Variants in GUCD1 observed in about 807,000 individuals in gnomAD.
GUCD1 encodes the protein guanylyl cyclase domain containing 1, also known as protein GUCD1.
A neutral mutation model predicts 28.3 loss-of-function variants in GUCD1; 17 were observed. The observed-to-expected ratio is 0.60, with a 90% CI of 0.41 to 0.90. GUCD1 has a LOEUF of 0.90. Ranked by LOEUF, GUCD1 falls within the 40% of genes least tolerant of loss-of-function variation. The pLI is 0.00. For missense variants in GUCD1, 279 were observed against 305.5 expected (o/e 0.91, Z 0.65); for synonymous variants, 129 against 123.3 (o/e 1.05, Z -0.30).
At position 24,555,117 on chromosome 22, in the gene GUCD1, G is replaced by A. The variant is rs1352537959; in HGVS notation, c.-126C>T. The A allele has an allele frequency of 2.2e-5, 29 of 1,317,800 alleles. No homozygotes were observed. The highest frequency in any genetic ancestry group is 3.1e-5 in the East Asian group (1 of 31,962). 81.6% of individuals were successfully genotyped at this position (1,317,800 alleles called of 1,614,324 possible). ...CTCCGCCACCGCCGCCGCTGCGGAGGAGAGAACGGGAGGCGGCGGCTGGGC... is the reference window on the plus strand; with the variant it reads ...CTCCGCCACCGCCGCCGCTGCGGAGAAGAGAACGGGAGGCGGCGGCTGGGC... On this transcript the variant is annotated 5_prime_UTR_variant, in exon 1 of 6. Coordinates refer to ENST00000435822, the MANE Select transcript of GUCD1 (RefSeq NM_001284254.2).
At position 24,555,126 on chromosome 22, in the gene GUCD1, G is replaced by C. The variant is rs1007261871; in HGVS notation, c.-135C>G. 9.2e-6 allele frequency: 12 copies of C among 1,304,860 alleles called. No homozygotes were observed. In the East Asian group the frequency reaches 1.9e-4, roughly 21 times the overall value. The allele number at this position is 1,304,860 out of a possible 1,614,324, so 80.8% of individuals were successfully genotyped here. The stretch of plus-strand genomic sequence containing the variant: ...CGCCGCCGCTGCGGAGGAGAGAACG[G>C]GAGGCGGCGGCTGGGCCGCCCCAAG... On this transcript the variant is annotated 5_prime_UTR_variant, in exon 1 of 6. Transcript: ENST00000435822.
intron 2 of GUCD1, 93 bp from the exon 3 acceptor site, chr22:24,548,166 G>T: frequency 9.5e-7 from 1 of 1,055,928 alleles, no homozygotes; most frequent in Non-Finnish European, 1.4e-6. Context: ...CCCCGTCACA[G>T]GTCCCATTCC....
chr22:24,548,144 C>A, intron 2 of GUCD1, 71 bp from the exon 3 acceptor site: 1 of 1,367,212 alleles, frequency 7.3e-7, no homozygotes, highest in Non-Finnish European at 1.0e-6. Flanking sequence ...CCTCCACCCA[C>A]TGGCCCAAGA....
chr22:24,542,570 G>A lies in GUCD1; in HGVS notation c.*436C>T, dbSNP rs1421245801. 1.2e-5 allele frequency: 2 copies of A among 169,368 alleles called. No individual in the cohort carries two copies. Among genetic ancestry groups the A allele is most frequent in the Admixed American group, 1.2e-4 (2 of 16,624 alleles). 10.5% of individuals were successfully genotyped at this position (169,368 alleles called of 1,614,324 possible). A position where few individuals can be genotyped will look rare whatever the true frequency, so the allele number is the denominator to read the frequency against. On this transcript the variant is annotated 3_prime_UTR_variant, in exon 6 of 6. Transcript: ENST00000435822. ...GGGGCCTGGAGGGGTCCTCAGCCCT[G>A]GGGGATTGGGGTCAGCTATGCTGTC...
rs781660417 is a variant in GUCD1, at chr22:24,548,018, G to A, written c.184C>T (p.Leu62=). Reference sequence around the variant, plus strand: ...TCGATGGTCCAGATGCTCCTGGTCAGCTGCAGCTTCTGCAGGGCTCTCTCA... The same window carrying A: ...TCGATGGTCCAGATGCTCCTGGTCAACTGCAGCTTCTGCAGGGCTCTCTCA... ...EFERALQKLQ[L]TRSIWTIDLA... is the part of the protein sequence containing the mutation. Residue 62 remains leucine, a synonymous_variant, in exon 3 of 6, where the codon CTG becomes TTG. Transcript: ENST00000435822. 3 of 1,614,146 alleles carry A rather than the reference G, an allele frequency of 1.9e-6. No individual in the cohort carries two copies. In the Admixed American group the frequency reaches 5.0e-5, roughly 27 times the overall value.
Position 24,549,012 on chromosome 22 carries a change from A to G in GUCD1, c.44-11T>C. ...GTTGCACAAAGTCCCCTGTGCAGAA[A>G]CAGAGGGAGGTCACAGACCCTCAGC... On this transcript the variant is annotated splice_polypyrimidine_tract_variant and intron_variant, in intron 1 of 5. Coordinates refer to ENST00000435822, the MANE Select transcript of GUCD1 (RefSeq NM_001284254.2). 6.4e-7 allele frequency: 1 copy of G among 1,559,792 alleles called. No homozygotes were observed. The highest frequency in any genetic ancestry group is 8.7e-7 in the Non-Finnish European group (1 of 1,149,570).
intron 5 of GUCD1, 47 bp from the exon 6 acceptor site, chr22:24,543,144 A>C: frequency 1.5e-6 from 2 of 1,347,166 alleles, no homozygotes; most frequent in Admixed American, 1.7e-5. Context: ...GTTGTGAGAG[A>C]GCACCTACAC....
Position 24,542,967 on chromosome 22 carries a change from GA to G in GUCD1, c.*38del. 6.8e-7 allele frequency: 1 copy of G among 1,469,664 alleles called. No homozygotes were observed. Among genetic ancestry groups the G allele is most frequent in the Non-Finnish European group, 9.5e-7 (1 of 1,049,082 alleles). 91.0% of individuals were successfully genotyped at this position (1,469,664 alleles called of 1,614,324 possible). On this transcript the variant is annotated 3_prime_UTR_variant, in exon 6 of 6. Coordinates refer to ENST00000435822, the MANE Select transcript of GUCD1 (RefSeq NM_001284254.2). ...CCTGAGCGGGCCCGGCTGGGGTGGGGATGGGGTCCGAGGGCCTAGGCGCACC... is the reference window on the plus strand; with the variant it reads ...CCTGAGCGGGCCCGGCTGGGGTGGGGTGGGGTCCGAGGGCCTAGGCGCACC...
At chr22:24,554,851 G>A in intron 1 of GUCD1, 98 bp downstream of exon 1, 1 of 908,040 alleles carries the variant, frequency 1.1e-6, no homozygotes, top group Non-Finnish European at 1.7e-6. Context: ...GGCGAGGCGG[G>A]AGTCGGCCCA....
At chr22:24,543,743 C>G in intron 5 of GUCD1, 99 bp downstream of exon 5, 1 of 1,465,068 alleles carries the variant, frequency 6.8e-7, no homozygotes, top group Non-Finnish European at 9.4e-7. Flanking sequence ...GAGGGAGGCC[C>G]TGGCCACACT....
At chr22:24,555,287 T>G, upstream of GUCD1, 1 of 1,369,744 alleles carries the variant, frequency 7.3e-7, no homozygotes, top group East Asian at 2.7e-5. Context: ...CAGCGTTGAG[T>G]GGCCCCACCC....
chr22:24,544,214 C>T, intron 4 of GUCD1, 131 bp from the exon 5 acceptor site: 1 of 1,291,514 alleles, frequency 7.7e-7, no homozygotes, highest in South Asian at 1.4e-5. Context: ...GCCCTGAACT[C>T]CCTGCTCTGT....
Position 24,543,869 on chromosome 22 carries a change from A to G in GUCD1, c.601T>C (p.Phe201Leu), listed in dbSNP as rs753026003. ...RGYNRATGCI[F>L]YNNPAYADRM... ...TCGGCATAGGCTGGGTTGTTGTAGA[A>G]GATGCAGCCAGTGGCCCGGTTGTAG... Residue 201 changes from phenylalanine (F) to leucine (L), a missense_variant, in exon 5 of 6, where the codon TTC becomes CTC. Physicochemically the swap from Phe to Leu is conservative, Grantham distance 22. Coordinates refer to ENST00000435822, the MANE Select transcript of GUCD1 (RefSeq NM_001284254.2). The G allele has an allele frequency of 6.2e-7, 1 of 1,613,868 alleles. No homozygotes were observed. Among genetic ancestry groups the G allele is most frequent in the African/African-American group, 1.3e-5 (1 of 74,896 alleles).
intron 2 of GUCD1, among the ~76,000 whole-genome samples, chr22:24,548,531 C>G (rs1440335813): frequency 6.6e-6 from 1 of 152,160 alleles, no homozygotes; most frequent in African/African-American, 2.4e-5. Flanking sequence ...GGCTACAGTC[C>G]CTCTTGGCTC....
At chr22:24,546,850 C>T (rs2044740180) in intron 4 of GUCD1, 64 bp downstream of exon 4, 2 of 1,400,714 alleles carry the variant, frequency 1.4e-6, no homozygotes, top group East Asian at 2.3e-5. Context: ...GAGGCCTCCC[C>T]ACTGCAGATC....
At chr22:24,555,390 C>A, upstream of GUCD1, 1 of 1,268,486 alleles carries the variant, frequency 7.9e-7, no homozygotes, top group Non-Finnish European at 1.0e-6. Flanking sequence ...AAAGCTCGTG[C>A]ATTTCCTGAA....
rs1196377466 is a variant in GUCD1, at chr22:24,542,925, A to G, written c.*81T>C. Reference sequence around the variant, plus strand: ...CCACATTCCAACCCCAGCAGCCCCAAGCCTGGGCCAGGGCATCCTGAGCGG... The same window carrying G: ...CCACATTCCAACCCCAGCAGCCCCAGGCCTGGGCCAGGGCATCCTGAGCGG... On this transcript the variant is annotated 3_prime_UTR_variant, in exon 6 of 6. Transcript: ENST00000435822. The G allele has an allele frequency of 2.0e-6, 2 of 998,928 alleles. No homozygotes were observed. The highest frequency in any genetic ancestry group is 3.2e-6 in the Non-Finnish European group (2 of 623,586). The allele number at this position is 998,928 out of a possible 1,614,324, so 61.9% of individuals were successfully genotyped here.
Position 24,544,101 on chromosome 22 carries a change from G to C in GUCD1, c.387-18C>G. 1.9e-6 allele frequency: 3 copies of C among 1,595,176 alleles called. No homozygotes were observed. The highest frequency in any genetic ancestry group is 8.6e-7 in the Non-Finnish European group (1 of 1,164,858). On this transcript the variant is annotated intron_variant, in intron 4 of 5. Coordinates refer to ENST00000435822, the MANE Select transcript of GUCD1 (RefSeq NM_001284254.2). ...TCACTGTGCTGTGGGCGGGAGGGGG[G>C]TCAGCTGGTGCTGCTGGGCCCCCAT...
rs753164188 is a variant in GUCD1, at chr22:24,555,006, G to C, written c.-15C>G. On this transcript the variant is annotated 5_prime_UTR_variant, in exon 1 of 6. Coordinates refer to ENST00000435822, the MANE Select transcript of GUCD1 (RefSeq NM_001284254.2). ...TCCGTCCTCATGACCCGGGCGGCGC[G>C]GGGCGCCCATGGCCCCGGCCCAGAG... 3 of 1,505,196 alleles carry C rather than the reference G, an allele frequency of 2.0e-6. No individual in the cohort carries two copies. Among genetic ancestry groups the C allele is most frequent in the Non-Finnish European group, 2.6e-6 (3 of 1,132,826 alleles). The allele number at this position is 1,505,196 out of a possible 1,614,324, so 93.2% of individuals were successfully genotyped here. A position where few individuals can be genotyped will look rare whatever the true frequency, so the allele number is the denominator to read the frequency against.
Sources: allele counts gnomAD v4.1 joint callset (sites outside exome capture counted in the v4.1 genomes callset), GRCh38; gene constraint gnomAD v4.1.1; transcripts MANE v1.5; gene names NCBI Gene and HGNC (gene_info 2026-07-23, HGNC 2026-07-21).